The following GRID2 variants were observed in gnomAD, a reference collection of about 807,000 sequenced individuals.
GRID2 encodes the protein glutamate ionotropic receptor delta type subunit 2, also known as glutamate receptor ionotropic, delta-2.
In GRID2, 33 loss-of-function variants were observed where a neutral mutation model predicts 114.8. That is an observed-to-expected ratio of 0.29 (90% CI 0.22 to 0.38). The LOEUF (loss-of-function observed/expected upper bound fraction) is 0.38, where lower values mean the gene tolerates loss of function less well. GRID2 is among the 10% of genes least tolerant of loss of function. The pLI is 1.00. For missense variants in GRID2, 1,184 were observed against 1,257.7 expected (o/e 0.94, Z 0.89); for synonymous variants, 505 against 449.9 (o/e 1.12, Z -1.55).
At chr4:93,398,133 G>GTGTATATATA in intron 9 of GRID2, among the ~76,000 whole-genome samples, 23 of 122,354 alleles carry the variant, frequency 1.9e-4, no homozygotes, top group Admixed American at 1.3e-3. Flanking sequence ...ATGTGTGTGT[G>GTGTATATATA]TATATATATA....
intron 1 of GRID2, among the ~76,000 whole-genome samples, chr4:93,795,686 T>C (rs1031168986): frequency 2.0e-5 from 3 of 152,226 alleles, no homozygotes; most frequent in Non-Finnish European, 2.9e-5. Context: ...TCCTAACTTC[T>C]GTAAATGTTA....
chr4:92,663,541 ATAT>A, intron 2 of GRID2, among the ~76,000 whole-genome samples: 1 of 151,272 alleles, frequency 6.6e-6, no homozygotes, highest in South Asian at 2.1e-4. Flanking sequence ...TTGTTGCCTA[ATAT>A]TGTGTCATTT....
intron 6 of GRID2, among the ~76,000 whole-genome samples, chr4:93,220,598 T>C (rs1421718995): frequency 6.6e-6 from 1 of 152,170 alleles, no homozygotes; most frequent in African/African-American, 2.4e-5. Flanking sequence ...TCTAAATAAA[T>C]CAATCAAATC....
In GRID2 at chr4:93,404,290, A is replaced by G. The variant is rs1766195951; in HGVS notation, c.1347+8582A>G. On this transcript the variant is annotated intron_variant, in intron 9 of 15. Coordinates refer to ENST00000282020, the MANE Select transcript of GRID2 (RefSeq NM_001510.4). ...TGGCATTTTTGAGGGGGAGCTGGTA[A>G]TAAAGTTCTAAAACTGACTGCAATG... is the stretch of plus-strand genomic sequence containing the variant. Among the ~76,000 whole-genome samples, 2 of 152,140 alleles carry G rather than the reference A, an allele frequency of 1.3e-5. 1 individual carries two copies. Among genetic ancestry groups the G allele is most frequent in the Non-Finnish European group, 2.9e-5 (2 of 68,030 alleles).
intron 2 of GRID2, among the ~76,000 whole-genome samples, chr4:92,936,482 A>T (rs1383844424): frequency 6.8e-6 from 1 of 146,458 alleles, no homozygotes; most frequent in Non-Finnish European, 1.5e-5. Flanking sequence ...CCTGAAAAAG[A>T]TCAACACATT....
At chr4:92,775,896 A>G (rs1738769882) in intron 2 of GRID2, among the ~76,000 whole-genome samples, 1 of 152,146 alleles carries the variant, frequency 6.6e-6, no homozygotes, top group South Asian at 2.1e-4. Context: ...TTCATTTTTT[A>G]AAGTTACTAA....
chr4:92,634,851 C>CAGAGAGACAGAGAGAGAGAG (rs1730987349), intron 2 of GRID2, among the ~76,000 whole-genome samples: 4 of 122,636 alleles, frequency 3.3e-5, no homozygotes, highest in Non-Finnish European at 5.1e-5. Flanking sequence ...GCATTCGTTG[C>CAGAGAGACAGAGAGAGAGAG]AGAGAGACAG....
At chr4:93,027,752 G>T (rs1724016197) in intron 2 of GRID2, among the ~76,000 whole-genome samples, 1 of 151,944 alleles carries the variant, frequency 6.6e-6, no homozygotes, top group South Asian at 2.1e-4. Flanking sequence ...ATATTATTTT[G>T]CTAAATGAAA....
At chr4:93,344,337 A>G (rs1360012224) in intron 8 of GRID2, among the ~76,000 whole-genome samples, 1 of 152,012 alleles carries the variant, frequency 6.6e-6, no homozygotes, top group Non-Finnish European at 1.5e-5. Flanking sequence ...TAGCATAATT[A>G]AGCAGAAAAT....
chr4:93,405,278 T>C (rs1161044406), intron 9 of GRID2, among the ~76,000 whole-genome samples: 2 of 152,148 alleles, frequency 1.3e-5, no homozygotes, highest in Admixed American at 1.3e-4. Context: ...AACCATAGTA[T>C]ATGTGTTCAC....
intron 2 of GRID2, among the ~76,000 whole-genome samples, chr4:92,922,355 G>C (rs1472262554): frequency 6.6e-6 from 1 of 152,002 alleles, no homozygotes; most frequent in Non-Finnish European, 1.5e-5. Flanking sequence ...CCTCTGTCCT[G>C]CACCCACTGT....
chr4:92,757,580 C>A (rs1274047606), intron 2 of GRID2, among the ~76,000 whole-genome samples: 1 of 151,866 alleles, frequency 6.6e-6, no homozygotes, highest in Non-Finnish European at 1.5e-5. Flanking sequence ...ATGTCATCCA[C>A]ATACAGATTA....
intron 13 of GRID2, among the ~76,000 whole-genome samples, chr4:93,539,923 A>T (rs972605512): frequency 1.3e-5 from 2 of 151,996 alleles, no homozygotes; most frequent in Admixed American, 6.6e-5. Context: ...TGAGAGGCCC[A>T]TTTAATCTAT....
intron 2 of GRID2, among the ~76,000 whole-genome samples, chr4:92,599,522 C>G (rs1322278222): frequency 6.6e-6 from 1 of 152,044 alleles, no homozygotes; most frequent in Non-Finnish European, 1.5e-5. Flanking sequence ...TTTAAAAACT[C>G]AGTCATTTGC....
chr4:93,406,871 T>C (rs1766495135), intron 9 of GRID2, among the ~76,000 whole-genome samples: 1 of 152,148 alleles, frequency 6.6e-6, no homozygotes, highest in South Asian at 2.1e-4. Flanking sequence ...ATGTTCTTGC[T>C]GTTTCATAGC....
chr4:93,234,036 T>C (rs746274242), intron 7 of GRID2, among the ~76,000 whole-genome samples: 15 of 152,130 alleles, frequency 9.9e-5, no homozygotes, highest in Non-Finnish European at 1.8e-4. Context: ...CTATGTATCA[T>C]TTAGAATTTA....
chr4:93,768,605 A>G (rs1342992631), intron 14 of GRID2, among the ~76,000 whole-genome samples: 1 of 152,216 alleles, frequency 6.6e-6, no homozygotes, highest in African/African-American at 2.4e-5. Flanking sequence ...GGGAAACTAG[A>G]TCAGTTGTGC....
chr4:93,681,660 A>G (rs886929847), intron 14 of GRID2, among the ~76,000 whole-genome samples: 1 of 152,208 alleles, frequency 6.6e-6, no homozygotes, highest in African/African-American at 2.4e-5. Context: ...GACAAACCTG[A>G]CAAAAACAAC....
chr4:93,084,544 C>G (rs4373126), intron 2 of GRID2, among the ~76,000 whole-genome samples: 12,400 of 152,202 alleles, frequency 0.081, 784 homozygotes, highest in African/African-American at 0.18. Flanking sequence ...TGTTTATTCA[C>G]CGGTTTACAT....
Sources: allele counts gnomAD v4.1 joint callset (sites outside exome capture counted in the v4.1 genomes callset), GRCh38; gene constraint gnomAD v4.1.1; transcripts MANE v1.5; gene names NCBI Gene and HGNC (gene_info 2026-07-23, HGNC 2026-07-21).